Variants in EGFL6 observed in about 807,000 individuals in gnomAD.
EGFL6 encodes the protein epidermal growth factor-like protein 6.
EGFL6 carries 42 observed loss-of-function variants against 43.1 expected under a neutral mutation model. The observed-to-expected ratio is 0.98, with a 90% CI of 0.76 to 1.26. The LOEUF is 1.26. Ranked by LOEUF, EGFL6 falls within the 50% of genes most tolerant of loss-of-function variation. EGFL6 has a pLI of 0.00. For missense variants in EGFL6, 429 were observed against 427.8 expected, an observed-to-expected ratio of 1.00 and a Z score of -0.02; for synonymous variants, 164 against 163.2, an observed-to-expected ratio of 1.01 and a Z score of -0.04.
At chrX:13,596,945 T>A (rs1454463256) in intron 3 of EGFL6, among the ~76,000 whole-genome samples, 4 of 112,155 alleles carry the variant, frequency 3.6e-5, no homozygotes, top group Non-Finnish European at 7.5e-5. Flanking sequence ...GAGCAAGGGA[T>A]ATGGTCTTTG....
chrX:13,584,846 C>T (rs1403463480), intron 1 of EGFL6, among the ~76,000 whole-genome samples: 2 of 111,478 alleles, frequency 1.8e-5, no homozygotes, highest in Non-Finnish European at 3.8e-5. Context: ...GAATGAATCA[C>T]TCTAATCCAT....
intron 7 of EGFL6, among the ~76,000 whole-genome samples, chrX:13,611,950 T>C (rs1192828793): frequency 2.7e-5 from 3 of 112,238 alleles, no homozygotes; most frequent in South Asian, 3.7e-4. Flanking sequence ...TAATTCTCCA[T>C]AAAATAAACA....
rs747835441 is a variant in EGFL6, at chrX:13,631,267, C to T, written c.1552-1718C>T. On this transcript the variant is annotated intron_variant, in intron 11 of 11. Coordinates refer to ENST00000361306, the MANE Select transcript of EGFL6 (RefSeq NM_015507.4). ...TGTTGTCCTCTAAATCTGCTTATTTCGGATATTGAAGATTGTAGAAACCCT... is the reference window on the plus strand; with the variant it reads ...TGTTGTCCTCTAAATCTGCTTATTTTGGATATTGAAGATTGTAGAAACCCT... Among the ~76,000 whole-genome samples, 10 of 111,600 alleles carry T rather than the reference C, an allele frequency of 9.0e-5. No individual in the cohort carries two copies. The East Asian group carries it at 2.0e-3, about 22-fold the overall frequency.
intron 11 of EGFL6, among the ~76,000 whole-genome samples, chrX:13,632,639 A>G (rs894718374): frequency 9.0e-6 from 1 of 111,254 alleles, no homozygotes; most frequent in Non-Finnish European, 1.9e-5. Context: ...GTTCAAGGGG[A>G]ATATCAAATT....
At chrX:13,581,410 A>G (rs974969494) in intron 1 of EGFL6, among the ~76,000 whole-genome samples, 1 of 111,682 alleles carries the variant, frequency 9.0e-6, no homozygotes, top group Non-Finnish European at 1.9e-5. Flanking sequence ...GGCTAAGTAC[A>G]GTGAACTTGC....
At position 13,630,265 on chromosome X, in the gene EGFL6, A is replaced by T. The variant is rs185786997; in HGVS notation, c.1552-2720A>T. ...ATCCCAAATCTCCTTGATAAAAAAG[A>T]ACATTAAAATCCTGCCTAATTTTGG... On this transcript the variant is annotated intron_variant, in intron 11 of 11. Transcript: ENST00000361306. 2.1e-3 allele frequency among the ~76,000 whole-genome samples: 236 copies of T among 112,453 alleles called. 1 individual carries two copies. The highest frequency in any genetic ancestry group is 3.9e-3 in the Non-Finnish European group (207 of 53,305).
intron 2 of EGFL6, among the ~76,000 whole-genome samples, chrX:13,594,199 C>T (rs1322873716): frequency 2.7e-5 from 3 of 111,968 alleles, no homozygotes; most frequent in Non-Finnish European, 5.6e-5. Flanking sequence ...CCAACTGAAT[C>T]GGTTATAACA....
At chrX:13,597,623 A>C (rs766598138) in intron 3 of EGFL6, among the ~76,000 whole-genome samples, 26 of 111,382 alleles carry the variant, frequency 2.3e-4, no homozygotes, top group Non-Finnish European at 4.3e-4. Flanking sequence ...ATCTCTACTA[A>C]AAATACAAAA....
chrX:13,625,904 GAAAAAGAAAAAAA>G (rs2045778021), intron 10 of EGFL6, among the ~76,000 whole-genome samples: 1 of 27,249 alleles, frequency 3.7e-5, no homozygotes, highest in Non-Finnish European at 6.9e-5. Context: ...AAAAAAAAAA[GAAAAAGAAAAAAA>G]GAAAAGAGAC....
intron 5 of EGFL6, among the ~76,000 whole-genome samples, chrX:13,603,830 T>A (rs1333947120): frequency 8.9e-6 from 1 of 112,152 alleles, no homozygotes; most frequent in African/African-American, 3.2e-5. Context: ...CTATATTTAC[T>A]TATTTTTTAG....
chrX:13,632,456 C>T (rs773674075), intron 11 of EGFL6, among the ~76,000 whole-genome samples: 36 of 108,539 alleles, frequency 3.3e-4, no homozygotes, highest in African/African-American at 1.1e-3. Flanking sequence ...CGCCCACCAC[C>T]ACGCCCGGCT....
At chrX:13,570,072 T>A in intron 1 of EGFL6, 137 bp downstream of exon 1, 1 of 613,263 alleles carries the variant, frequency 1.6e-6, no homozygotes, top group Non-Finnish European at 2.6e-6. Context: ...CGACGGGATT[T>A]AACCTGGATA....
chrX:13,592,917 C>CTTT (rs562569967), intron 2 of EGFL6, among the ~76,000 whole-genome samples: 8 of 82,189 alleles, frequency 9.7e-5, no homozygotes, highest in East Asian at 4.4e-4. Context: ...TAGGTTCTTT[C>CTTT]TTTTTTTTTT....
Position 13,569,763 on chromosome X carries a change from G to A in EGFL6, c.-99G>A, listed in dbSNP as rs759361108. On this transcript the variant is annotated 5_prime_UTR_variant, in exon 1 of 12. Transcript: ENST00000361306. The stretch of plus-strand genomic sequence containing the variant: ...ACTGCGAGTGGAGCGGAGGACCCGA[G>A]CGGCTGAGGAGAGAGGAGGCGGCGG... 4.6e-5 allele frequency: 39 copies of A among 842,049 alleles called. No homozygotes were observed. The highest frequency in any genetic ancestry group is 6.3e-5 in the Non-Finnish European group (36 of 573,913). 69.4% of individuals were successfully genotyped at this position (842,049 alleles called of 1,213,427 possible).
chrX:13,579,948 G>A (rs1277530850), intron 1 of EGFL6, among the ~76,000 whole-genome samples: 2 of 111,068 alleles, frequency 1.8e-5, no homozygotes, highest in African/African-American at 6.6e-5. Flanking sequence ...AAGAGAGAGA[G>A]CAAGGAGGAA....
At chrX:13,592,330 A>G (rs1328853439) in intron 2 of EGFL6, among the ~76,000 whole-genome samples, 1 of 112,234 alleles carries the variant, frequency 8.9e-6, no homozygotes. Context: ...TTTGTCTCTA[A>G]AAGTGGAAAA....
At position 13,603,377 on chromosome X, in the gene EGFL6, C is replaced by G. The variant is rs199566989; in HGVS notation, c.461C>G (p.Pro154Arg). Residue 154 changes from proline (P) to arginine (R), a missense_variant, in exon 5 of 12, where the codon CCA (proline) becomes CGA (arginine). Coordinates refer to ENST00000361306, the MANE Select transcript of EGFL6 (RefSeq NM_015507.4). ...AGCTGTGAAGACACAGAAGAAGGGCCACAGTGCCTGTGTCCATCCTCAGGA... is the reference window on the plus strand; with the variant it reads ...AGCTGTGAAGACACAGAAGAAGGGCGACAGTGCCTGTGTCCATCCTCAGGA... Reference protein sequence around the residue: ...QYSCEDTEEGPQCLCPSSGLR... With the variant: ...QYSCEDTEEGRQCLCPSSGLR... 8.3e-7 allele frequency: 1 copy of G among 1,209,031 alleles called. No homozygotes were observed. The highest frequency in any genetic ancestry group is 3.0e-5 in the East Asian group (1 of 33,704).
chrX:13,617,807 C>T lies in EGFL6; in HGVS notation c.856C>T (p.His286Tyr). ...AGACAGAATCAAGAAGTTGCTTGCTCACAAAAACAGCATGAAAAAGAAGGC... is the reference window on the plus strand; with the variant it reads ...AGACAGAATCAAGAAGTTGCTTGCTTACAAAAACAGCATGAAAAAGAAGGC... ...IKDRIKKLLA[H>Y]KNSMKKKAKI... The change falls in exon 8 of 12, where the codon CAC becomes TAC. Residue 286 changes from histidine to tyrosine, a missense_variant. Physicochemically the swap from His to Tyr is moderately conservative, Grantham distance 83. Coordinates refer to ENST00000361306, the MANE Select transcript of EGFL6 (RefSeq NM_015507.4). 1 of 1,211,540 alleles carries T rather than the reference C, an allele frequency of 8.3e-7. No individual in the cohort carries two copies. Among genetic ancestry groups the T allele is most frequent in the Non-Finnish European group, 1.1e-6 (1 of 895,356 alleles).
At chrX:13,627,366 G>T in intron 11 of EGFL6, 90 bp downstream of exon 11, 1 of 1,071,339 alleles carries the variant, frequency 9.3e-7, no homozygotes, top group Non-Finnish European at 1.3e-6. Context: ...AAGTATGTAG[G>T]CATTAAGGAT....
Sources: gnomAD v4.1 joint callset for allele counts (sites outside exome capture counted in the v4.1 genomes callset) on GRCh38, gnomAD v4.1.1 for gene constraint, MANE v1.5 for transcripts, NCBI Gene and HGNC (gene_info 2026-07-23, HGNC 2026-07-21) for gene names.